The following THSD7B variants were observed in gnomAD, a reference collection of about 807,000 sequenced individuals.
The protein encoded by THSD7B is thrombospondin type-1 domain-containing protein 7B.
Under a neutral mutation model 213.6 loss-of-function variants are expected in THSD7B, and 138 were observed. That is an observed-to-expected ratio of 0.65 (90% CI 0.56 to 0.74). THSD7B has a LOEUF of 0.74. Ranked by LOEUF, THSD7B falls within the 30% of genes least tolerant of loss-of-function variation. The pLI is 0.00. For synonymous variants in THSD7B, 742 were observed against 687.0 expected (o/e 1.08, Z -1.25); for missense variants, 1,931 against 1,991.5 (o/e 0.97, Z 0.58).
At chr2:136,925,966 A>T (rs1684515073) in intron 2 of THSD7B, among the ~76,000 whole-genome samples, 1 of 152,210 alleles carries the variant, frequency 6.6e-6, no homozygotes, top group African/African-American at 2.4e-5. Context: ...TTCCTCTAAA[A>T]GTACACAACT....
At chr2:136,946,788 G>A (rs565953162) in intron 2 of THSD7B, among the ~76,000 whole-genome samples, 4 of 152,328 alleles carry the variant, frequency 2.6e-5, no homozygotes, top group African/African-American at 9.6e-5. Context: ...GACCCACCGA[G>A]CCTTGCATAG....
intron 7 of THSD7B, among the ~76,000 whole-genome samples, chr2:137,198,503 TC>T (rs1312182442): frequency 1.3e-5 from 2 of 152,136 alleles, no homozygotes; most frequent in African/African-American, 4.8e-5. Context: ...GGAAGACAAT[TC>T]CCCTACTACT....
chr2:137,118,125 G>A (rs1688478129), intron 5 of THSD7B, among the ~76,000 whole-genome samples: 1 of 152,168 alleles, frequency 6.6e-6, no homozygotes, highest in Non-Finnish European at 1.5e-5. Flanking sequence ...AACGTAGAGA[G>A]CTATTTATGA....
At chr2:137,282,690 G>A (rs932880717) in intron 12 of THSD7B, among the ~76,000 whole-genome samples, 1 of 152,194 alleles carries the variant, frequency 6.6e-6, no homozygotes, top group South Asian at 2.1e-4. Context: ...GTTTTTGTCA[G>A]GTTTGTCAAA....
chr2:137,359,425 A>C (rs761158894), intron 12 of THSD7B, among the ~76,000 whole-genome samples: 1 of 152,214 alleles, frequency 6.6e-6, no homozygotes, highest in African/African-American at 2.4e-5. Context: ...ACGTCAAGAC[A>C]TCAGAGTAGA....
chr2:136,798,538 C>T (rs562409944), intron 1 of THSD7B, among the ~76,000 whole-genome samples: 1 of 152,002 alleles, frequency 6.6e-6, no homozygotes, highest in South Asian at 2.1e-4. Context: ...TGGTTAGTAC[C>T]CCTATCTGCT....
At chr2:137,301,477 A>G (rs1190095421) in intron 12 of THSD7B, among the ~76,000 whole-genome samples, 1 of 152,168 alleles carries the variant, frequency 6.6e-6, no homozygotes, top group Non-Finnish European at 1.5e-5. Context: ...AATGGATAGT[A>G]TATGATATCG....
intron 17 of THSD7B, among the ~76,000 whole-genome samples, chr2:137,584,616 C>G (rs1681672656): frequency 6.6e-6 from 1 of 152,044 alleles, no homozygotes; most frequent in Non-Finnish European, 1.5e-5. Context: ...GTTTTTGGTT[C>G]TGTTTATATG....
At chr2:137,496,612 C>T (rs1451242443) in intron 15 of THSD7B, among the ~76,000 whole-genome samples, 2 of 152,092 alleles carry the variant, frequency 1.3e-5, no homozygotes, top group African/African-American at 2.4e-5. Context: ...TTCAACTGCA[C>T]GTTTAAAAAC....
chr2:137,282,343 G>A (rs186381480), intron 12 of THSD7B, among the ~76,000 whole-genome samples: 169 of 151,148 alleles, frequency 1.1e-3, no homozygotes, highest in East Asian at 1.6e-3. Context: ...GTTTTCTCCC[G>A]TTCTGTAGGT....
chr2:137,179,212 A>G (rs1394193349), intron 7 of THSD7B, among the ~76,000 whole-genome samples: 1 of 152,122 alleles, frequency 6.6e-6, no homozygotes, highest in Non-Finnish European at 1.5e-5. Context: ...TATCCTTTTC[A>G]TCTTCCCCCC....
At chr2:137,508,897 G>A (rs1406997767) in intron 15 of THSD7B, among the ~76,000 whole-genome samples, 2 of 152,000 alleles carry the variant, frequency 1.3e-5, no homozygotes, top group Non-Finnish European at 2.9e-5. Flanking sequence ...AGCTAGATGG[G>A]AACCTGACCT....
intron 7 of THSD7B, among the ~76,000 whole-genome samples, chr2:137,171,536 G>A (rs187743933): frequency 6.6e-6 from 1 of 152,200 alleles, no homozygotes; most frequent in Admixed American, 6.5e-5. Flanking sequence ...TGAAATGAAA[G>A]GTGATTCAGA....
intron 2 of THSD7B, among the ~76,000 whole-genome samples, chr2:137,017,270 G>A (rs1016594811): frequency 2.0e-5 from 3 of 150,436 alleles, no homozygotes; most frequent in African/African-American, 7.4e-5. Context: ...GAAGTTGAAC[G>A]AAGGGGCTTC....
chr2:137,073,846 A>C lies in THSD7B; in HGVS notation c.950+16616A>C, dbSNP rs575878125. Among the ~76,000 whole-genome samples the C allele has an allele frequency of 2.6e-5, 4 of 152,340 alleles. No individual in the cohort carries two copies. In the South Asian group the frequency reaches 8.3e-4, roughly 32 times the overall value. ...TCTGCCTTCAGTTCGTTATTTACCC[A>C]GTAGTCATTCAGGAGCAGGTTGTTC... On this transcript the variant is annotated intron_variant, in intron 3 of 27. Coordinates refer to ENST00000409968, the MANE Select transcript of THSD7B (RefSeq NM_001316349.2).
chr2:137,341,601 G>C (rs1684762617), intron 12 of THSD7B, among the ~76,000 whole-genome samples: 1 of 151,380 alleles, frequency 6.6e-6, no homozygotes, highest in Admixed American at 6.6e-5. Flanking sequence ...CACATTTTAT[G>C]GTCTTATGTT....
intron 1 of THSD7B, among the ~76,000 whole-genome samples, chr2:136,857,191 G>T (rs1368906544): frequency 6.6e-6 from 1 of 152,132 alleles, no homozygotes; most frequent in Non-Finnish European, 1.5e-5. Flanking sequence ...CACCAATTTG[G>T]AAATATGAAT....
chr2:137,567,208 A>G (rs7576931), intron 16 of THSD7B, among the ~76,000 whole-genome samples: 40,303 of 150,452 alleles, frequency 0.27, 5,488 homozygotes, highest in Middle Eastern at 0.37. Flanking sequence ...TTGATCTATC[A>G]CCCAGGTTGG....
At chr2:136,976,628 T>A (rs1685485443) in intron 2 of THSD7B, among the ~76,000 whole-genome samples, 1 of 151,746 alleles carries the variant, frequency 6.6e-6, no homozygotes, top group Non-Finnish European at 1.5e-5. Context: ...GGCCTGAAGT[T>A]TTCCTTTTTT....
Sources: gnomAD v4.1 joint callset for allele counts (sites outside exome capture counted in the v4.1 genomes callset) on GRCh38, gnomAD v4.1.1 for gene constraint, MANE v1.5 for transcripts, NCBI Gene and HGNC (gene_info 2026-07-23, HGNC 2026-07-21) for gene names.